ANK3: variants seen among roughly 807,000 people sequenced by gnomAD.
ANK3 encodes the protein ankyrin-3.
Under a neutral mutation model 370.9 loss-of-function variants are expected in ANK3, and 57 were observed. The ratio of observed to expected loss-of-function variants is 0.15; its 90% CI spans 0.12 to 0.19. The LOEUF is 0.19. ANK3 is among the 10% of genes least tolerant of loss of function. The probability of loss-of-function intolerance (pLI) is 1.00; values close to 1 mark genes in which losing one functional copy is unlikely to be tolerated. For missense variants in ANK3, 4,439 were observed against 5,302.1 expected (o/e 0.84, Z 5.06); for synonymous variants, 1,929 against 1,946.3 (o/e 0.99, Z 0.23).
At chr10:60,335,386 A>T (rs1274517842) in intron 1 of ANK3, among the ~76,000 whole-genome samples, 1 of 152,048 alleles carries the variant, frequency 6.6e-6, no homozygotes, top group Non-Finnish European at 1.5e-5. Context: ...AGTAGAGGGA[A>T]TTTTTTTCTG....
chr10:60,355,948 G>A (rs1033558680), intron 1 of ANK3, among the ~76,000 whole-genome samples: 11 of 152,114 alleles, frequency 7.2e-5, no homozygotes, highest in Non-Finnish European at 4.4e-5. Context: ...CAGTTATTTC[G>A]GAGTGTTTTT....
chr10:60,358,207 T>C (rs574669469), intron 1 of ANK3, among the ~76,000 whole-genome samples: 1 of 152,200 alleles, frequency 6.6e-6, no homozygotes, highest in African/African-American at 2.4e-5. Context: ...CATTTCACCA[T>C]AAAATGCTCC....
rs759280618 is a variant in ANK3 at position 60,073,380 on chromosome 10, G to A, written c.7501C>T (p.Arg2501Trp). 1.8e-5 allele frequency: 29 copies of A among 1,613,452 alleles called. No homozygotes were observed. Among genetic ancestry groups the A allele is most frequent in the Middle Eastern group, 1.6e-4 (1 of 6,082 alleles). The stretch of plus-strand genomic sequence containing the variant: ...GCAGTGGCTATTTTTTCTCTGGACC[G>A]CTTATCAGACCCCTGTAACTCTGAG... ...PSSELQGSDK[R>W]SREKIATAPK... Residue 2501 changes from arginine to tryptophan, a missense_variant, in exon 37 of 44, where the codon CGG becomes TGG. Physicochemically the swap from Arg to Trp is moderately radical, Grantham distance 101. Around this residue, in one of 13 missense-constraint regions of ANK3, gnomAD observed 1,601 missense variants for 1,731.7 expected, o/e 0.92. Transcript: ENST00000280772.
At chr10:60,059,821 G>T (rs754573454) in intron 40 of ANK3, 2 of 1,614,106 alleles carry the variant, frequency 1.2e-6, no homozygotes, top group Non-Finnish European at 1.7e-6. Context: ...ACGACTGGAG[G>T]TCCATCTGCG....
intron 1 of ANK3, among the ~76,000 whole-genome samples, chr10:60,621,009 A>G (rs867319063): frequency 2.0e-5 from 3 of 152,198 alleles, no homozygotes; most frequent in African/African-American, 7.2e-5. Flanking sequence ...GCTTATATAC[A>G]TTGCAAAGAC....
rs987552435 is a variant in ANK3 at position 60,481,791 on chromosome 10, A to G, written c.96+133395T>C. Among the ~76,000 whole-genome samples, 4 of 152,116 alleles carry G rather than the reference A, an allele frequency of 2.6e-5. No individual in the cohort carries two copies. In the East Asian group the frequency reaches 7.7e-4, roughly 29 times the overall value. ...AAGCCAGATATTTGAAATTCCTATT[A>G]AACTGGAGAGCAAAAGCCGTCATAC... On this transcript the variant is annotated intron_variant, in intron 2 of 43. Coordinates refer to the ANK3 transcript ENST00000373827.
At chr10:60,034,087 T>A (rs1308755722) in intron 43 of ANK3, among the ~76,000 whole-genome samples, 1 of 150,340 alleles carries the variant, frequency 6.7e-6, no homozygotes, top group Non-Finnish European at 1.5e-5. Flanking sequence ...TTTTGTTTTT[T>A]TTTTTGTTTT....
intron 2 of ANK3, among the ~76,000 whole-genome samples, chr10:60,480,866 C>T (rs2075194820): frequency 6.6e-6 from 1 of 152,174 alleles, no homozygotes; most frequent in Non-Finnish European, 1.5e-5. Context: ...CAGCAAATTG[C>T]TAACAAAAGT....
chr10:60,601,191 A>ACACG (rs1169745683), intron 2 of ANK3, among the ~76,000 whole-genome samples: 1 of 151,636 alleles, frequency 6.6e-6, no homozygotes, highest in African/African-American at 2.4e-5. Context: ...ACACACACAC[A>ACACG]CACACATACC....
chr10:60,733,363 C>T (rs369289222), exon 1 of ANK3: 3 of 1,228,768 alleles, frequency 2.4e-6, no homozygotes, highest in Non-Finnish European at 1.0e-6. Flanking sequence ...ACTCCAGTCT[C>T]TCCTCCCCGT....
chr10:60,457,638 G>T (rs995604775), intron 2 of ANK3, among the ~76,000 whole-genome samples: 13 of 152,148 alleles, frequency 8.5e-5, no homozygotes, highest in Non-Finnish European at 1.5e-4. Context: ...AGTATTGGAA[G>T]AGGAACATGA....
chr10:60,276,299 T>C (rs1312771541), intron 4 of ANK3, among the ~76,000 whole-genome samples: 1 of 152,210 alleles, frequency 6.6e-6, no homozygotes, highest in Admixed American at 6.5e-5. Context: ...AGAGATGCTG[T>C]CTTGAATATT....
At chr10:60,263,148 A>G (rs2097833357) in intron 6 of ANK3, among the ~76,000 whole-genome samples, 1 of 152,172 alleles carries the variant, frequency 6.6e-6, no homozygotes, top group Non-Finnish European at 1.5e-5. Flanking sequence ...ATTCACCACC[A>G]TCTAGGTTAA....
At chr10:60,086,919 C>CTTTTTT in intron 29 of ANK3, 35 bp from the exon 30 acceptor site, 3 of 986,976 alleles carry the variant, frequency 3.0e-6, no homozygotes, top group African/African-American at 4.5e-5. Context: ...ATGAAAGTGA[C>CTTTTTT]TTTTTTTTTT....
intron 9 of ANK3, among the ~76,000 whole-genome samples, chr10:60,213,045 C>A (rs1338267828): frequency 6.6e-6 from 1 of 152,060 alleles, no homozygotes; most frequent in Non-Finnish European, 1.5e-5. Flanking sequence ...TATGAACTCT[C>A]AAGAAGTAAG....
chr10:60,609,001 C>T lies in ANK3; in HGVS notation c.96+6185G>A, dbSNP rs577029920. On this transcript the variant is annotated intron_variant, in intron 2 of 43. Coordinates refer to the ANK3 transcript ENST00000373827. ...CTCATGATTTTCTATGTTTTAGCAT[C>T]ATCTTCTTAAAACCTGCTACCTGGA... 2.6e-5 allele frequency among the ~76,000 whole-genome samples: 4 copies of T among 152,248 alleles called. No homozygotes were observed. The Middle Eastern group carries it at 0.01, about 388-fold the overall frequency.
At chr10:60,090,340 C>G (rs1452361832) in intron 28 of ANK3, among the ~76,000 whole-genome samples, 1 of 151,800 alleles carries the variant, frequency 6.6e-6, no homozygotes, top group African/African-American at 2.4e-5. Flanking sequence ...AAAATCTTAC[C>G]AAAAAATTCA....
chr10:60,342,797 A>G (rs1177977013), intron 1 of ANK3, among the ~76,000 whole-genome samples: 2 of 152,162 alleles, frequency 1.3e-5, no homozygotes, highest in African/African-American at 4.8e-5. Context: ...TATTTTCTAC[A>G]TAAGATGAAG....
intron 2 of ANK3, among the ~76,000 whole-genome samples, chr10:60,481,954 G>A (rs999271233): frequency 1.9e-4 from 29 of 152,248 alleles, no homozygotes; most frequent in Non-Finnish European, 2.9e-4. Context: ...CTTAAAACAG[G>A]CATGTCCAGA....
Sources: gnomAD v4.1 joint callset for allele counts (sites outside exome capture counted in the v4.1 genomes callset) on GRCh38, gnomAD v4.1.1 for gene constraint, gnomAD v4.1.1 regional missense constraint, MANE v1.5 for transcripts, NCBI Gene and HGNC (gene_info 2026-07-23, HGNC 2026-07-21) for gene names.